The following TBC1D15 variants were observed in gnomAD, a reference collection of about 807,000 sequenced individuals.
The protein encoded by TBC1D15 is TBC1 domain family member 15, also known as GAP for RAB7.
Under a neutral mutation model 95.4 loss-of-function variants are expected in TBC1D15, and 39 were observed. That is an observed-to-expected ratio of 0.41 (90% CI 0.32 to 0.53). The LOEUF is 0.53. TBC1D15 is among the 20% of genes least tolerant of loss of function. TBC1D15 has a pLI of 0.29. For missense variants in TBC1D15, 733 were observed against 794.3 expected, an observed-to-expected ratio of 0.92 and a Z score of 0.93; for synonymous variants, 258 against 261.3, an observed-to-expected ratio of 0.99 and a Z score of 0.12.
chr12:71,882,146 T>C (rs930681915), intron 4 of TBC1D15, among the ~76,000 whole-genome samples: 3 of 152,124 alleles, frequency 2.0e-5, no homozygotes, highest in Non-Finnish European at 4.4e-5. Flanking sequence ...CTTTTTTCTT[T>C]TTTGTGTGAG....
At chr12:71,850,578 AT>A (rs1246267430) in intron 1 of TBC1D15, 18 of 156,356 alleles carry the variant, frequency 1.2e-4, no homozygotes, top group Non-Finnish European at 2.1e-4. Flanking sequence ...ATGCCTGGCT[AT>A]TTTTTTTGTT....
intron 1 of TBC1D15, among the ~76,000 whole-genome samples, chr12:71,862,172 G>T (rs1002968552): frequency 6.6e-6 from 1 of 151,924 alleles, no homozygotes; most frequent in Non-Finnish European, 1.5e-5. Context: ...AAAATGTTTT[G>T]TAAATGTCTG....
At chr12:71,842,845 AAAAAG>A (rs1565929258) in intron 1 of TBC1D15, among the ~76,000 whole-genome samples, 2 of 151,682 alleles carry the variant, frequency 1.3e-5, no homozygotes, top group Non-Finnish European at 2.9e-5. Context: ...AAAAAAAAAA[AAAAAG>A]AAAAGAAAAA....
At chr12:71,870,040 A>G (rs1266591600) in intron 1 of TBC1D15, among the ~76,000 whole-genome samples, 1 of 152,176 alleles carries the variant, frequency 6.6e-6, no homozygotes, top group Non-Finnish European at 1.5e-5. Flanking sequence ...TATTTCACAC[A>G]GATAGAAACT....
At chr12:71,852,711 C>T (rs1888123528) in intron 1 of TBC1D15, among the ~76,000 whole-genome samples, 1 of 152,166 alleles carries the variant, frequency 6.6e-6, no homozygotes, top group Non-Finnish European at 1.5e-5. Flanking sequence ...AGCAGGGGCA[C>T]AGTGCAGCCA....
intron 1 of TBC1D15, among the ~76,000 whole-genome samples, chr12:71,853,486 A>C (rs947154529): frequency 1.3e-5 from 2 of 152,216 alleles, no homozygotes; most frequent in African/African-American, 4.8e-5. Context: ...TGTCTTGAAC[A>C]TATGGGATAG....
In TBC1D15 at chr12:71,844,078, C is replaced by T. The variant is rs182371800; in HGVS notation, c.30+4267C>T. ...CCTTCACCTCTCACATCTAATCAGTCATGAAGTCTTGTCATTTTGATCTTC... is the reference window on the plus strand; with the variant it reads ...CCTTCACCTCTCACATCTAATCAGTTATGAAGTCTTGTCATTTTGATCTTC... On this transcript the variant is annotated intron_variant, in intron 1 of 16. Transcript: ENST00000485960. Among the ~76,000 whole-genome samples the T allele has an allele frequency of 5.4e-3, 818 of 152,276 alleles. 37 individuals carry two copies. Among genetic ancestry groups the T allele is most frequent in the Non-Finnish European group, 9.7e-4 (66 of 68,032 alleles).
chr12:71,906,785 T>TTTC (rs1352422117), intron 10 of TBC1D15, among the ~76,000 whole-genome samples: 2 of 152,232 alleles, frequency 1.3e-5, no homozygotes, highest in Admixed American at 6.5e-5. Context: ...TATGTTTAGA[T>TTTC]AATAATTGAA....
intron 10 of TBC1D15, among the ~76,000 whole-genome samples, chr12:71,903,063 C>G (rs1016655312): frequency 6.6e-6 from 1 of 152,118 alleles, no homozygotes; most frequent in Non-Finnish European, 1.5e-5. Flanking sequence ...AGGTGCCCAC[C>G]ACCACGGCAG....
At position 71,923,299 on chromosome 12, in the gene TBC1D15, CTTTAAGG is replaced by C. The variant is rs1460727203; in HGVS notation, c.*100_*106del. 6 of 1,130,202 alleles carry C rather than the reference CTTTAAGG, an allele frequency of 5.3e-6. No individual in the cohort carries two copies. Among genetic ancestry groups the C allele is most frequent in the Admixed American group, 2.0e-5 (1 of 50,644 alleles). 70.0% of individuals were successfully genotyped at this position (1,130,202 alleles called of 1,614,324 possible). A position where few individuals can be genotyped will look rare whatever the true frequency, so the allele number is the denominator to read the frequency against. On this transcript the variant is annotated 3_prime_UTR_variant, in exon 17 of 17. Coordinates refer to ENST00000485960, the MANE Select transcript of TBC1D15 (RefSeq NM_001146213.3). ...ATTTGAAATCTTGGTATTGATCATG[CTTTAAGG>C]TTTATGTAAAGAAAGTGTACTGATG...
At chr12:71,905,438 A>G (rs542960981) in intron 10 of TBC1D15, among the ~76,000 whole-genome samples, 13 of 152,046 alleles carry the variant, frequency 8.6e-5, no homozygotes, top group South Asian at 4.1e-4. Context: ...TGGTTCTCCA[A>G]CCTCAGCCTC....
Position 71,894,667 on chromosome 12 carries a change from T to A in TBC1D15, c.658-19T>A, listed in dbSNP as rs1337268256. ...TTATTTGAGTTAATAATGCTAATAT[T>A]TTTCTTCCTACTGCATAGAAAATTA... On this transcript the variant is annotated intron_variant, in intron 6 of 16. Coordinates refer to ENST00000485960, the MANE Select transcript of TBC1D15 (RefSeq NM_001146213.3). 1 of 1,593,688 alleles carries A rather than the reference T, an allele frequency of 6.3e-7. No individual in the cohort carries two copies. The highest frequency in any genetic ancestry group is 1.4e-5 in the African/African-American group (1 of 73,650).
In TBC1D15 at chr12:71,918,520, G is replaced by C. The variant is rs762776328; in HGVS notation, c.1571G>C (p.Ser524Thr). 1 of 1,605,492 alleles carries C rather than the reference G, an allele frequency of 6.2e-7. No homozygotes were observed. Among genetic ancestry groups the C allele is most frequent in the Middle Eastern group, 1.7e-4 (1 of 6,048 alleles). ...TTAATCAGATTCAAAAGGGAATTTA[G>C]TTTTCTAGATATTCTTCGATTATGG... Reference protein sequence around the residue: ...WLLIRFKREFSFLDILRLWEV... With the variant: ...WLLIRFKREFTFLDILRLWEV... Residue 524 changes from serine (S) to threonine (T), a missense_variant, in exon 14 of 17, where the codon AGT becomes ACT. Ser to Thr is a moderately conservative substitution (Grantham distance 58). Transcript: ENST00000485960.
intron 16 of TBC1D15, among the ~76,000 whole-genome samples, chr12:71,921,696 A>G (rs1869415777): frequency 6.6e-6 from 1 of 152,238 alleles, no homozygotes; most frequent in South Asian, 2.1e-4. Context: ...ATATTTCTAT[A>G]ACAAAGAGGC....
chr12:71,872,865 A>T, intron 2 of TBC1D15, 64 bp from the exon 3 acceptor site: 1 of 1,203,636 alleles, frequency 8.3e-7, no homozygotes, highest in Non-Finnish European at 1.2e-6. Context: ...GGGTTCAGGG[A>T]ATAAAATAAT....
intron 1 of TBC1D15, among the ~76,000 whole-genome samples, chr12:71,862,048 T>A (rs1053882940): frequency 5.3e-5 from 8 of 152,220 alleles, no homozygotes; most frequent in African/African-American, 1.9e-4. Context: ...ATACTTCTTA[T>A]AATCTCAGTT....
chr12:71,916,445 G>T (rs1176259344), intron 12 of TBC1D15, among the ~76,000 whole-genome samples: 2 of 152,140 alleles, frequency 1.3e-5, no homozygotes, highest in Non-Finnish European at 2.9e-5. Flanking sequence ...GGTAAATGTG[G>T]AGGAACTATA....
intron 3 of TBC1D15, among the ~76,000 whole-genome samples, chr12:71,874,063 T>C (rs1356725047): frequency 6.6e-6 from 1 of 152,254 alleles, no homozygotes; most frequent in Admixed American, 6.5e-5. Flanking sequence ...TTAGTCATAT[T>C]GGATTAGGGC....
intron 12 of TBC1D15, among the ~76,000 whole-genome samples, chr12:71,914,874 T>A (rs896630650): frequency 2.6e-5 from 4 of 151,926 alleles, no homozygotes; most frequent in Non-Finnish European, 5.9e-5. Context: ...TTTGCTTGCC[T>A]ATTTTTCTTT....
Sources: gnomAD v4.1 joint callset for allele counts (sites outside exome capture counted in the v4.1 genomes callset) on GRCh38, gnomAD v4.1.1 for gene constraint, MANE v1.5 for transcripts, NCBI Gene and HGNC (gene_info 2026-07-23, HGNC 2026-07-21) for gene names.